Variants in PTPRN observed in about 807,000 individuals in gnomAD.
The protein encoded by PTPRN is receptor-type tyrosine-protein phosphatase-like N.
A neutral mutation model predicts 108.5 loss-of-function variants in PTPRN; 70 were observed. The ratio of observed to expected loss-of-function variants is 0.65; its 90% CI spans 0.53 to 0.79. PTPRN has a LOEUF of 0.79. PTPRN is among the 30% of genes least tolerant of loss of function. The pLI is 0.00. For missense variants in PTPRN, 1,136 were observed against 1,295.5 expected (o/e 0.88, Z 1.89); for synonymous variants, 496 against 524.6 (o/e 0.95, Z 0.75).
At chr2:219,294,169 C>G in intron 19 of PTPRN, 1 of 522,656 alleles carries the variant, frequency 1.9e-6, no homozygotes, top group Non-Finnish European at 3.9e-6. Context: ...ATACTAGCTG[C>G]AGATCACAAA....
intron 4 of PTPRN, 26 bp downstream of exon 4, chr2:219,303,709 T>C: frequency 6.3e-7 from 1 of 1,585,656 alleles, no homozygotes; most frequent in Non-Finnish European, 8.7e-7. Flanking sequence ...TCACCATTGC[T>C]AGAGTTGTAG....
Position 219,295,132 on chromosome 2 carries a change from C to T in PTPRN, c.2518G>A (p.Val840Met). 6.2e-7 allele frequency: 1 copy of T among 1,610,316 alleles called. No homozygotes were observed. Among genetic ancestry groups the T allele is most frequent in the Non-Finnish European group, 8.5e-7 (1 of 1,178,364 alleles). ...TCCTCGCACCAGATGTGCTCCGACA[C>T]CAGGTTCACCTGCCCGGCAGGGGCC... Reference protein sequence around the residue: ...SLYHVYEVNLVSEHIWCEDFL... With the variant: ...SLYHVYEVNLMSEHIWCEDFL... Residue 840 changes from valine to methionine, a missense_variant, in exon 19 of 23, where the codon GTG becomes ATG. Physicochemically the swap from Val to Met is conservative, Grantham distance 21. Coordinates refer to ENST00000295718, the MANE Select transcript of PTPRN (RefSeq NM_002846.4).
At chr2:219,306,835 T>A (rs1252545195) in intron 3 of PTPRN, among the ~76,000 whole-genome samples, 1 of 152,222 alleles carries the variant, frequency 6.6e-6, no homozygotes, top group Non-Finnish European at 1.5e-5. Flanking sequence ...GATTTCATAG[T>A]CTCAATAATG....
At chr2:219,298,142 T>A in intron 12 of PTPRN, 39 bp from the exon 13 acceptor site, 3 of 1,593,114 alleles carry the variant, frequency 1.9e-6, no homozygotes, top group Non-Finnish European at 2.6e-6. Context: ...GGCAGTGGCA[T>A]AGGGAGGTTT....
intron 3 of PTPRN, among the ~76,000 whole-genome samples, chr2:219,305,083 C>T (rs1411410190): frequency 2.0e-5 from 3 of 152,060 alleles, no homozygotes; most frequent in Non-Finnish European, 4.4e-5. Context: ...TTACTTATCC[C>T]GTAATCATCA....
intron 19 of PTPRN, chr2:219,294,249 A>G: frequency 2.2e-6 from 1 of 449,088 alleles, no homozygotes; most frequent in South Asian, 1.6e-5. Context: ...AGAGAGAGGA[A>G]AGACAGGCAG....
chr2:219,298,786 G>A lies in PTPRN; in HGVS notation c.1668+261C>T, dbSNP rs1006036852. 4.6e-5 allele frequency among the ~76,000 whole-genome samples: 7 copies of A among 152,358 alleles called. No homozygotes were observed. In the East Asian group the frequency reaches 5.8e-4, roughly 13 times the overall value. ...TGTTCCCTTGGAATTTGGAGACTGCGCTCCAGCAGACTAAGGGCGGCTCAA... is the reference window on the plus strand; with the variant it reads ...TGTTCCCTTGGAATTTGGAGACTGCACTCCAGCAGACTAAGGGCGGCTCAA... On this transcript the variant is annotated intron_variant, in intron 12 of 22. Transcript: ENST00000295718.
At position 219,307,527 on chromosome 2, in the gene PTPRN, A is replaced by G. The variant is rs372102351; in HGVS notation, c.197T>C (p.Val66Ala). The G allele has an allele frequency of 1.2e-6, 2 of 1,613,868 alleles. No homozygotes were observed. The highest frequency in any genetic ancestry group is 1.3e-5 in the African/African-American group (1 of 74,858). ...DGLFGQCQVG[V>A]GQARPLLQVT... ...TTGCAAAAGGGGCCGGGCCTGCCCC[A>G]CTCCCACCTGGCACTGCCCAAACAA... Residue 66 changes from valine to alanine, a missense_variant, in exon 3 of 23, where the codon GTG (valine) becomes GCG (alanine). Coordinates refer to ENST00000295718, the MANE Select transcript of PTPRN (RefSeq NM_002846.4).
At chr2:219,305,986 T>C (rs58256243) in intron 3 of PTPRN, among the ~76,000 whole-genome samples, 25,934 of 151,900 alleles carry the variant, frequency 0.17, 2,797 homozygotes, top group African/African-American at 0.3. Flanking sequence ...CCTGTCTCTA[T>C]TAAAAATACA....
rs1384090407 is a variant in PTPRN, at chr2:219,297,705, C to T, written c.1887+180G>A. On this transcript the variant is annotated intron_variant, in intron 13 of 22. Coordinates refer to ENST00000295718, the MANE Select transcript of PTPRN (RefSeq NM_002846.4). The surrounding 1 kb of genome is among the most constrained non-coding windows in gnomAD (Gnocchi z 6.0). ...CTTAGGCACTGTATGCTCCCAATTC[C>T]CATGCGTTCATAAAGGCCCCTACCA... Among the ~76,000 whole-genome samples the T allele has an allele frequency of 6.6e-6, 1 of 152,150 alleles. No homozygotes were observed. Among genetic ancestry groups the T allele is most frequent in the Non-Finnish European group, 1.5e-5 (1 of 68,026 alleles).
chr2:219,295,310 T>A, intron 18 of PTPRN, 169 bp from the exon 19 acceptor site: 2 of 660,192 alleles, frequency 3.0e-6, no homozygotes, highest in Non-Finnish European at 5.1e-6. Context: ...GTCACTTATC[T>A]ACTGCTCAGG....
At chr2:219,294,937 C>T in intron 19 of PTPRN, 38 bp downstream of exon 19, 1 of 1,464,042 alleles carries the variant, frequency 6.8e-7, no homozygotes, top group East Asian at 2.9e-5. Flanking sequence ...TCCGCCCCCG[C>T]CCATGCGGTC....
At chr2:219,299,909 C>G in intron 9 of PTPRN, 76 bp downstream of exon 9, 1 of 1,589,030 alleles carries the variant, frequency 6.3e-7, no homozygotes, top group Non-Finnish European at 8.6e-7. Flanking sequence ...GTCTGGATTT[C>G]TGCCCTCTGC....
intron 1 of PTPRN, among the ~76,000 whole-genome samples, chr2:219,308,721 T>G (rs1952547084): frequency 1.3e-5 from 2 of 152,044 alleles, no homozygotes; most frequent in Non-Finnish European, 2.9e-5. Flanking sequence ...GGAGATCAGA[T>G]CGCTGCAATC....
chr2:219,297,980 G>C lies in PTPRN; in HGVS notation c.1792C>G (p.Leu598Val), dbSNP rs1952243526. 4.3e-6 allele frequency: 7 copies of C among 1,613,802 alleles called. No individual in the cohort carries two copies. Among genetic ancestry groups the C allele is most frequent in the African/African-American group, 2.7e-5 (2 of 74,942 alleles). The change falls in exon 13 of 23, where the codon CTG becomes GTG. Residue 598 changes from leucine to valine, a missense_variant. Leu to Val is a conservative substitution (Grantham distance 32, BLOSUM62 1). Transcript: ENST00000295718. The surrounding 1 kb of genome is among the most constrained non-coding windows in gnomAD (Gnocchi z 6.0). ...AGLLVALAVA[L>V]CVRQHARQQD... ...TGCCGCGCATGCTGCCGCACACACA[G>C]AGCCACAGCCAGAGCCACCAGCAGC...
In PTPRN at chr2:219,296,398, G is replaced by A; in HGVS notation, c.2388+41C>T. The A allele has an allele frequency of 1.2e-6, 2 of 1,614,060 alleles. No individual in the cohort carries two copies. Among genetic ancestry groups the A allele is most frequent in the Non-Finnish European group, 1.7e-6 (2 of 1,179,920 alleles). ...ACTCTAACCTCCCTGGGACCTCGTG[G>A]CCACAAGGACCCCAGCGAAGCCCTC... is the stretch of plus-strand genomic sequence containing the variant. On this transcript the variant is annotated intron_variant, in intron 17 of 22. Transcript: ENST00000295718. This position sits in a 1 kb window ranked among gnomAD's most constrained non-coding sequence, Gnocchi z 6.0.
intron 7 of PTPRN, 65 bp from the exon 8 acceptor site, chr2:219,301,042 G>A (rs1952332235): frequency 3.3e-6 from 5 of 1,500,886 alleles, no homozygotes; most frequent in Admixed American, 1.7e-5. Context: ...CAACACAAGT[G>A]GGAGAAAGGG....
At chr2:219,294,010 T>C (rs901823356) in intron 19 of PTPRN, 2 of 470,300 alleles carry the variant, frequency 4.3e-6, no homozygotes, top group African/African-American at 4.0e-5. Context: ...AATCCAGAGA[T>C]CCTCCCACAC....
intron 9 of PTPRN, 55 bp downstream of exon 9, chr2:219,299,930 G>A: frequency 2.5e-6 from 4 of 1,601,592 alleles, no homozygotes; most frequent in Non-Finnish European, 3.4e-6. Flanking sequence ...TTCTGGCCAG[G>A]CAGGCCAGCC....
Sources: allele counts gnomAD v4.1 joint callset (sites outside exome capture counted in the v4.1 genomes callset), GRCh38; gene constraint gnomAD v4.1.1; non-coding constraint Gnocchi (gnomAD v3.1); transcripts MANE v1.5; gene names NCBI Gene and HGNC (gene_info 2026-07-23, HGNC 2026-07-21).